MAST4: variants seen among roughly 807,000 people sequenced by gnomAD.
The protein encoded by MAST4 is microtubule-associated serine/threonine-protein kinase 4.
Under a neutral mutation model 162.7 loss-of-function variants are expected in MAST4, and 89 were observed. That is an observed-to-expected ratio of 0.55 (90% CI 0.46 to 0.65). MAST4 has a LOEUF of 0.65. MAST4 is among the 30% of genes least tolerant of loss of function. The pLI is 0.00. For synonymous variants in MAST4, 1,479 were observed against 1,361.1 expected (o/e 1.09, Z -1.91); for missense variants, 3,153 against 3,374.0 (o/e 0.93, Z 1.62).
At chr5:66,648,075 T>TGAGA (rs1199041939) in intron 1 of MAST4, among the ~76,000 whole-genome samples, 20 of 95,432 alleles carry the variant, frequency 2.1e-4, no homozygotes, top group African/African-American at 9.5e-4. Flanking sequence ...TGTGTGTGTG[T>TGAGA]GTGTGTGTGA....
chr5:66,812,702 G>T (rs1756537077), intron 3 of MAST4, among the ~76,000 whole-genome samples: 1 of 152,192 alleles, frequency 6.6e-6, no homozygotes, highest in African/African-American at 2.4e-5. Flanking sequence ...GCTGTGGTTT[G>T]CTTAGATGGA....
chr5:66,989,675 A>G (rs1749868874), intron 4 of MAST4, among the ~76,000 whole-genome samples: 1 of 152,208 alleles, frequency 6.6e-6, no homozygotes. Flanking sequence ...GTTTCCAAGA[A>G]TTTTCAATAA....
intron 1 of MAST4, among the ~76,000 whole-genome samples, chr5:66,698,423 C>T (rs568777514): frequency 1.1e-4 from 16 of 151,724 alleles, no homozygotes; most frequent in Non-Finnish European, 2.4e-4. Context: ...CTATCTGTTC[C>T]TGGCTGTCCT....
At chr5:66,860,215 A>G (rs1261293858) in intron 3 of MAST4, among the ~76,000 whole-genome samples, 1 of 152,164 alleles carries the variant, frequency 6.6e-6, no homozygotes, top group Non-Finnish European at 1.5e-5. Flanking sequence ...TAAAAATAGC[A>G]TTTCCTGGGG....
intron 12 of MAST4, among the ~76,000 whole-genome samples, chr5:67,116,678 TG>T (rs1333679266): frequency 6.6e-6 from 1 of 151,860 alleles, no homozygotes; most frequent in African/African-American, 2.4e-5. Flanking sequence ...TAGCTGGGCA[TG>T]GTGGCACACA....
intron 5 of MAST4, among the ~76,000 whole-genome samples, chr5:67,067,401 T>C (rs562290718): frequency 3.3e-5 from 5 of 152,300 alleles, no homozygotes; most frequent in Admixed American, 3.3e-4. Flanking sequence ...TGGGAAAGTA[T>C]TTTCAGTATT....
intron 1 of MAST4, among the ~76,000 whole-genome samples, chr5:66,646,548 T>A (rs1745850973): frequency 6.6e-6 from 1 of 152,176 alleles, no homozygotes; most frequent in Admixed American, 6.5e-5. Flanking sequence ...CCTAATATAA[T>A]TTTTCCAGGA....
chr5:67,094,191 TGTA>T, intron 6 of MAST4: 1 of 1,461,990 alleles, frequency 6.8e-7, no homozygotes, highest in Non-Finnish European at 9.3e-7. Flanking sequence ...ATCTTAACAT[TGTA>T]GTAGTTCTGT....
At chr5:66,663,812 A>T (rs1191910251) in intron 1 of MAST4, among the ~76,000 whole-genome samples, 2 of 152,200 alleles carry the variant, frequency 1.3e-5, no homozygotes, top group Non-Finnish European at 2.9e-5. Context: ...AATGAAAGAC[A>T]TTTCTTAAGT....
chr5:67,141,165 A>G (rs927093840), intron 19 of MAST4, among the ~76,000 whole-genome samples: 1 of 152,190 alleles, frequency 6.6e-6, no homozygotes, highest in Non-Finnish European at 1.5e-5. Context: ...GGACAGGATG[A>G]GAGGCCTGGG....
At chr5:66,768,898 A>T (rs1561318324) in intron 2 of MAST4, among the ~76,000 whole-genome samples, 2 of 152,200 alleles carry the variant, frequency 1.3e-5, no homozygotes, top group South Asian at 4.1e-4. Flanking sequence ...TTTGCTTTAA[A>T]AAAAAGCAGA....
intron 3 of MAST4, among the ~76,000 whole-genome samples, chr5:66,812,692 G>T (rs1467462533): frequency 1.3e-5 from 2 of 152,308 alleles, no homozygotes; most frequent in Middle Eastern, 3.4e-3. Flanking sequence ...GTAGTAAAAG[G>T]CTGTGGTTTG....
intron 3 of MAST4, among the ~76,000 whole-genome samples, chr5:66,852,869 A>C (rs1378132144): frequency 1.3e-5 from 2 of 152,182 alleles, no homozygotes; most frequent in Non-Finnish European, 2.9e-5. Flanking sequence ...TTGGTGCGTG[A>C]AGAAAGAGGG....
chr5:66,953,083 T>G (rs1744890540), intron 4 of MAST4, among the ~76,000 whole-genome samples: 1 of 152,220 alleles, frequency 6.6e-6, no homozygotes, highest in African/African-American at 2.4e-5. Flanking sequence ...TGTTAATAAC[T>G]TCATCTAACC....
At chr5:66,972,147 C>T (rs897733554) in intron 4 of MAST4, among the ~76,000 whole-genome samples, 1 of 152,186 alleles carries the variant, frequency 6.6e-6, no homozygotes, top group Non-Finnish European at 1.5e-5. Context: ...ACCATTCTTG[C>T]AACCCAGCAT....
At chr5:66,668,264 G>A (rs530698884) in intron 1 of MAST4, among the ~76,000 whole-genome samples, 1 of 152,308 alleles carries the variant, frequency 6.6e-6, no homozygotes, top group South Asian at 2.1e-4. Flanking sequence ...ATTTTATACA[G>A]AATATTTTAT....
intron 8 of MAST4, among the ~76,000 whole-genome samples, 172 bp downstream of exon 8, chr5:67,100,764 CATCTT>C (rs1276900108): frequency 2.0e-5 from 3 of 152,152 alleles, no homozygotes; most frequent in African/African-American, 7.2e-5. Context: ...CATTGAAAGG[CATCTT>C]ATAAGTTTCC....
At chr5:67,158,060 CAGT>C (rs1772749954) in intron 26 of MAST4, among the ~76,000 whole-genome samples, 1 of 152,156 alleles carries the variant, frequency 6.6e-6, no homozygotes, top group Non-Finnish European at 1.5e-5. Flanking sequence ...GAAGGAACAT[CAGT>C]GACACAGGAA....
chr5:66,828,298 G>T (rs552318363), intron 3 of MAST4, among the ~76,000 whole-genome samples: 2 of 152,102 alleles, frequency 1.3e-5, no homozygotes, highest in South Asian at 2.1e-4. Context: ...TGTGTGTTCT[G>T]CTACATTTTT....
Sources: allele counts gnomAD v4.1 joint callset (sites outside exome capture counted in the v4.1 genomes callset), GRCh38; gene constraint gnomAD v4.1.1; transcripts MANE v1.5; gene names NCBI Gene and HGNC (gene_info 2026-07-23, HGNC 2026-07-21).